The following ITGA1 variants were observed in gnomAD, a reference collection of about 807,000 sequenced individuals.
The protein encoded by ITGA1 is integrin subunit alpha 1, also known as integrin alpha-1.
ITGA1 carries 85 observed loss-of-function variants against 145.9 expected under a neutral mutation model. The ratio of observed to expected loss-of-function variants is 0.58; its 90% CI spans 0.49 to 0.70. The LOEUF is 0.70. ITGA1 is among the 30% of genes least tolerant of loss of function. ITGA1 has a pLI of 0.00. For missense variants in ITGA1, 1,351 were observed against 1,418.7 expected (o/e 0.95, Z 0.77); for synonymous variants, 520 against 495.3 (o/e 1.05, Z -0.66).
intron 1 of ITGA1, among the ~76,000 whole-genome samples, chr5:52,791,998 C>G (rs994636356): frequency 1.3e-5 from 2 of 152,126 alleles, no homozygotes; most frequent in African/African-American, 4.8e-5. Flanking sequence ...AATGTGAAAT[C>G]CAAACATAGT....
intron 20 of ITGA1, 74 bp from the exon 21 acceptor site, chr5:52,929,551 C>A: frequency 1.3e-6 from 1 of 748,326 alleles, no homozygotes; most frequent in Non-Finnish European, 2.3e-6. Context: ...TAGGTAATGT[C>A]ATTTATGGAA....
At chr5:52,867,283 T>C (rs1484614544) in intron 6 of ITGA1, 1 of 152,194 alleles carries the variant, frequency 6.6e-6, no homozygotes, top group East Asian at 1.9e-4. Flanking sequence ...AATGTATTGC[T>C]GCATTCCAAG....
At chr5:52,872,132 A>G (rs1247444147) in intron 6 of ITGA1, among the ~76,000 whole-genome samples, 1 of 152,102 alleles carries the variant, frequency 6.6e-6, no homozygotes, top group African/African-American at 2.4e-5. Flanking sequence ...ACCAAGCAAA[A>G]TGAAACAGAG....
intron 6 of ITGA1, 97 bp downstream of exon 6, chr5:52,865,914 A>G: frequency 1.0e-6 from 1 of 989,198 alleles, no homozygotes; most frequent in Non-Finnish European, 1.4e-6. Flanking sequence ...TAATCAATAA[A>G]ACTAAAGTTG....
chr5:52,839,355 T>C (rs1176071889), intron 1 of ITGA1, among the ~76,000 whole-genome samples: 1 of 152,226 alleles, frequency 6.6e-6, no homozygotes, highest in Non-Finnish European at 1.5e-5. Context: ...TATTTTTATT[T>C]ACATCTGAAT....
chr5:52,892,944 T>A (rs1196534783), intron 8 of ITGA1, among the ~76,000 whole-genome samples: 1 of 152,032 alleles, frequency 6.6e-6, no homozygotes, highest in East Asian at 1.9e-4. Flanking sequence ...GTCACACTCA[T>A]AGAATTGTAC....
intron 1 of ITGA1, among the ~76,000 whole-genome samples, chr5:52,820,591 C>G (rs1198237805): frequency 6.6e-6 from 1 of 151,358 alleles, no homozygotes; most frequent in East Asian, 1.9e-4. Flanking sequence ...GGAGGTAATA[C>G]ATTGTTAGTT....
intron 26 of ITGA1, among the ~76,000 whole-genome samples, chr5:52,942,000 C>A (rs1191582018): frequency 1.3e-5 from 2 of 152,140 alleles, no homozygotes; most frequent in African/African-American, 4.8e-5. Flanking sequence ...ATATGGCTAG[C>A]CAGTTATCCC....
intron 27 of ITGA1, among the ~76,000 whole-genome samples, chr5:52,946,058 T>C (rs993987489): frequency 2.0e-5 from 3 of 152,208 alleles, no homozygotes; most frequent in African/African-American, 7.2e-5. Context: ...CCCTAAATAT[T>C]AGTTAAAAAT....
At chr5:52,788,807 T>C (rs539436029) in intron 1 of ITGA1, among the ~76,000 whole-genome samples, 1 of 152,308 alleles carries the variant, frequency 6.6e-6, no homozygotes, top group Non-Finnish European at 1.5e-5. Flanking sequence ...CTGATACATA[T>C]GCAAAATTCC....
intron 2 of ITGA1, among the ~76,000 whole-genome samples, chr5:52,860,067 G>A (rs1749574512): frequency 6.6e-6 from 1 of 152,166 alleles, no homozygotes; most frequent in Admixed American, 6.5e-5. Context: ...GCTGAGCGAA[G>A]TTATTTATGT....
chr5:52,918,195 G>A (rs10040519), intron 15 of ITGA1, among the ~76,000 whole-genome samples: 4,661 of 152,036 alleles, frequency 0.031, 275 homozygotes, highest in African/African-American at 0.11. Flanking sequence ...GTTATCAAAC[G>A]TAAAACAAAA....
intron 1 of ITGA1, chr5:52,800,112 G>C (rs1472658128): frequency 2.5e-6 from 1 of 397,608 alleles, no homozygotes; most frequent in Non-Finnish European, 4.6e-6. Flanking sequence ...TCAGCCCGCT[G>C]TTGCGTGCTG....
chr5:52,906,418 T>G lies in ITGA1; in HGVS notation c.1455+510T>G, dbSNP rs150077294. 1.6e-3 allele frequency among the ~76,000 whole-genome samples: 238 copies of G among 152,310 alleles called. 1 individual carries two copies. In the South Asian group the frequency reaches 0.034, roughly 22 times the overall value. On this transcript the variant is annotated intron_variant, in intron 12 of 28. Coordinates refer to ENST00000282588, the MANE Select transcript of ITGA1 (RefSeq NM_181501.2). ...ATTTTATCCTGGAGGTAATGGGAAA[T>G]TGTCTGTAATATTTAAAATTGAAAA...
rs536972855 is a variant in ITGA1 at position 52,883,602 on chromosome 5, A to C, written c.773+1581A>C. Reference sequence around the variant, plus strand: ...AATATTTTTAGAATTCTTTACCTTCATTTTCAGTAAATCCCAGTTCAAAGT... The same window carrying C: ...AATATTTTTAGAATTCTTTACCTTCCTTTTCAGTAAATCCCAGTTCAAAGT... On this transcript the variant is annotated intron_variant, in intron 7 of 28. Coordinates refer to ENST00000282588, the MANE Select transcript of ITGA1 (RefSeq NM_181501.2). Among the ~76,000 whole-genome samples, 104 of 152,158 alleles carry C rather than the reference A, an allele frequency of 6.8e-4. 1 individual carries two copies. The highest frequency in any genetic ancestry group is 2.4e-3 in the African/African-American group (100 of 41,508).
rs578133637 is a variant in ITGA1 at position 52,912,785 on chromosome 5, C to T, written c.1857+2366C>T. Reference sequence around the variant, plus strand: ...TTTTTGAGACGGAGTCTCGCTCTGTCGCCCAGGCTAGACTGCAGTGGCACG... The same window carrying T: ...TTTTTGAGACGGAGTCTCGCTCTGTTGCCCAGGCTAGACTGCAGTGGCACG... On this transcript the variant is annotated intron_variant, in intron 14 of 28. Coordinates refer to ENST00000282588, the MANE Select transcript of ITGA1 (RefSeq NM_181501.2). Among the ~76,000 whole-genome samples, 172 of 149,432 alleles carry T rather than the reference C, an allele frequency of 1.2e-3. 1 individual carries two copies. The highest frequency in any genetic ancestry group is 4.0e-3 in the African/African-American group (160 of 40,388).
intron 11 of ITGA1, among the ~76,000 whole-genome samples, chr5:52,901,266 A>G (rs111813972): frequency 0.011 from 1,662 of 152,280 alleles, 36 homozygotes; most frequent in African/African-American, 0.038. Context: ...AAAGGGCAAG[A>G]AAACCGATTC....
At chr5:52,951,522 T>C (rs1751218785) in intron 28 of ITGA1, among the ~76,000 whole-genome samples, 1 of 152,212 alleles carries the variant, frequency 6.6e-6, no homozygotes, top group South Asian at 2.1e-4. Flanking sequence ...ATTTTTCTTA[T>C]GGTCAACAAC....
intron 1 of ITGA1, among the ~76,000 whole-genome samples, chr5:52,812,706 C>T (rs982506806): frequency 6.7e-6 from 1 of 149,196 alleles, no homozygotes; most frequent in Middle Eastern, 3.3e-3. Context: ...CATAGAGTTG[C>T]AAGGAATAAA....
Sources: gnomAD v4.1 joint callset for allele counts (sites outside exome capture counted in the v4.1 genomes callset) on GRCh38, gnomAD v4.1.1 for gene constraint, MANE v1.5 for transcripts, NCBI Gene and HGNC (gene_info 2026-07-23, HGNC 2026-07-21) for gene names.